EYS: variants seen among roughly 807,000 people sequenced by gnomAD.
The protein encoded by EYS is EGF-like photoreceptor maintenance factor, also known as protein eyes shut homolog.
EYS carries 250 observed loss-of-function variants against 282.1 expected under a neutral mutation model. The ratio of observed to expected loss-of-function variants is 0.89; its 90% CI spans 0.80 to 0.98. The LOEUF (loss-of-function observed/expected upper bound fraction) is 0.98. Ranked by LOEUF, EYS falls within the 50% of genes least tolerant of loss-of-function variation. EYS has a pLI of 0.00. For synonymous variants in EYS, 1,355 were observed against 1,282.9 expected (o/e 1.06, Z -1.20); for missense variants, 4,016 against 3,709.0 (o/e 1.08, Z -2.15).
intron 2 of EYS, among the ~76,000 whole-genome samples, chr6:65,587,172 G>A (rs1249631192): frequency 6.6e-6 from 1 of 152,034 alleles, no homozygotes; most frequent in East Asian, 1.9e-4. Context: ...AATCCTTGCT[G>A]CCATGTATAA....
At chr6:64,615,360 G>T (rs1767240179) in intron 24 of EYS, among the ~76,000 whole-genome samples, 1 of 151,732 alleles carries the variant, frequency 6.6e-6, no homozygotes, top group African/African-American at 2.4e-5. Flanking sequence ...CCTAAAAAGT[G>T]ATTTTCTAAT....
chr6:65,614,996 A>G lies in EYS; in HGVS notation c.-333+24782T>C, dbSNP rs183002409. On this transcript the variant is annotated intron_variant, in intron 2 of 42. Coordinates refer to ENST00000503581, the MANE Select transcript of EYS (RefSeq NM_001142800.2). The stretch of plus-strand genomic sequence containing the variant: ...TCTCATTGTTCATTATCTATTCAAA[A>G]CCACTAGCTTACTGCTACACTGTGC... Among the ~76,000 whole-genome samples the G allele has an allele frequency of 1.5e-3, 225 of 152,212 alleles. 1 individual carries two copies. The highest frequency in any genetic ancestry group is 5.2e-3 in the African/African-American group (215 of 41,532).
intron 19 of EYS, among the ~76,000 whole-genome samples, chr6:64,867,667 G>A (rs1032934467): frequency 7.3e-5 from 11 of 151,474 alleles, no homozygotes; most frequent in Admixed American, 2.0e-4. Flanking sequence ...TATAGTATGT[G>A]GTCCAATATT....
intron 2 of EYS, among the ~76,000 whole-genome samples, chr6:65,605,281 A>C (rs1220677997): frequency 2.6e-5 from 4 of 151,876 alleles, no homozygotes; most frequent in African/African-American, 4.8e-5. Flanking sequence ...AATTTAAAAT[A>C]AACACACAAG....
intron 19 of EYS, among the ~76,000 whole-genome samples, chr6:64,849,903 T>G (rs1022786995): frequency 2.0e-5 from 3 of 147,132 alleles, no homozygotes; most frequent in African/African-American, 7.5e-5. Context: ...GGCCCAGCCA[T>G]AGGAGCCCCT....
At chr6:64,729,643 G>A (rs989543456) in intron 22 of EYS, among the ~76,000 whole-genome samples, 2 of 152,188 alleles carry the variant, frequency 1.3e-5, no homozygotes, top group Non-Finnish European at 2.9e-5. Context: ...TGGCAAGCAG[G>A]TTGGTAAGTA....
intron 15 of EYS, among the ~76,000 whole-genome samples, chr6:64,943,258 G>C (rs932511689): frequency 6.6e-6 from 1 of 151,952 alleles, no homozygotes; most frequent in African/African-American, 2.4e-5. Flanking sequence ...ATACTAAATG[G>C]GCAAAGTCTA....
chr6:63,984,320 T>G, intron 35 of EYS, 63 bp downstream of exon 35: 2 of 1,203,062 alleles, frequency 1.7e-6, no homozygotes, highest in Non-Finnish European at 2.4e-6. Context: ...ACTGCTGGCT[T>G]TTGTTGTTTT....
At chr6:64,557,488 TC>T (rs1765269122) in intron 26 of EYS, among the ~76,000 whole-genome samples, 1 of 152,026 alleles carries the variant, frequency 6.6e-6, no homozygotes, top group Non-Finnish European at 1.5e-5. Context: ...CAAGTAAGAT[TC>T]TTTTTTCTTT....
intron 33 of EYS, among the ~76,000 whole-genome samples, chr6:64,030,871 C>T (rs377388393): frequency 4.4e-4 from 67 of 152,346 alleles, no homozygotes; most frequent in Non-Finnish European, 7.8e-4. Flanking sequence ...TAGAGACCTC[C>T]CCTCTGGAGG....
chr6:64,733,561 AGTGGGAC>A (rs1772051631), intron 22 of EYS: 1 of 166,270 alleles, frequency 6.0e-6, no homozygotes, highest in African/African-American at 2.5e-5. Context: ...ATGACAATGC[AGTGGGAC>A]ATGAGACCCA....
intron 30 of EYS, among the ~76,000 whole-genome samples, chr6:64,256,022 T>A (rs921992837): frequency 6.6e-6 from 1 of 152,034 alleles, no homozygotes; most frequent in Non-Finnish European, 1.5e-5. Flanking sequence ...GCAATGAATA[T>A]CCTTTTAATT....
At chr6:65,498,901 A>G (rs1766349619) in intron 2 of EYS, among the ~76,000 whole-genome samples, 1 of 152,010 alleles carries the variant, frequency 6.6e-6, no homozygotes, top group Non-Finnish European at 1.5e-5. Flanking sequence ...TTCTAAACAC[A>G]CATATTGATT....
Position 65,232,717 on chromosome 6 carries a change from T to C in EYS, c.2023+63146A>G, listed in dbSNP as rs1033030266. Among the ~76,000 whole-genome samples the C allele has an allele frequency of 6.6e-5, 10 of 152,106 alleles. 1 individual carries two copies. The highest frequency in any genetic ancestry group is 2.4e-4 in the African/African-American group (10 of 41,448). ...CCTAATGCCTGTTTTCATTCCCATA[T>C]AGAATACATTATACTATTTCCAAAT... On this transcript the variant is annotated intron_variant, in intron 12 of 42. Transcript: ENST00000503581.
chr6:64,861,913 G>A (rs1007150761), intron 19 of EYS, among the ~76,000 whole-genome samples: 11 of 152,080 alleles, frequency 7.2e-5, no homozygotes, highest in African/African-American at 9.6e-5. Context: ...CTTTCTTTAC[G>A]TAGATTTCAA....
intron 2 of EYS, among the ~76,000 whole-genome samples, chr6:65,593,418 T>G (rs1765299115): frequency 6.6e-6 from 1 of 152,066 alleles, no homozygotes. Context: ...AAGCTAAGAG[T>G]TGAAAATCAA....
At position 64,281,410 on chromosome 6, in the gene EYS, C is replaced by T. The variant is rs564265013; in HGVS notation, c.6191+25560G>A. On this transcript the variant is annotated intron_variant, in intron 30 of 42. Coordinates refer to ENST00000503581, the MANE Select transcript of EYS (RefSeq NM_001142800.2). ...AAAAGCATAGTAAAAGAAATACTTTCGAAATGAATTGCATCATTTAAACTA... is the reference window on the plus strand; with the variant it reads ...AAAAGCATAGTAAAAGAAATACTTTTGAAATGAATTGCATCATTTAAACTA... Among the ~76,000 whole-genome samples the T allele has an allele frequency of 1.6e-4, 24 of 152,050 alleles. No individual in the cohort carries two copies. In the South Asian group the frequency reaches 2.9e-3, roughly 18 times the overall value.
chr6:64,388,833 A>G lies in EYS; in HGVS notation c.5935T>C (p.Leu1979=), dbSNP rs962496239. Residue 1979 remains leucine (L), a synonymous_variant, in exon 29 of 43, where the codon TTG becomes CTG. Transcript: ENST00000503581. ...GTCAGCTCAGCGTTACATGGATCCA[A>G]TTCTTGCCTGTAACCATTTAAGAAA... is the stretch of plus-strand genomic sequence containing the variant. ...QKYTLLIRQE[L]DPCNAELTIL... is the part of the protein sequence containing the mutation. 2.0e-6 allele frequency: 3 copies of G among 1,501,322 alleles called. No individual in the cohort carries two copies. Among genetic ancestry groups the G allele is most frequent in the South Asian group, 2.8e-5 (2 of 71,986 alleles). The allele number at this position is 1,501,322 out of a possible 1,614,324, so 93.0% of individuals were successfully genotyped here. A position where few individuals can be genotyped will look rare whatever the true frequency, so the allele number is the denominator to read the frequency against.
intron 22 of EYS, among the ~76,000 whole-genome samples, chr6:64,811,418 C>CTG (rs1482727903): frequency 1.8e-5 from 2 of 111,976 alleles, no homozygotes. Context: ...TGGCTTCATG[C>CTG]TGTAAAAAAA....
Sources: allele counts gnomAD v4.1 joint callset (sites outside exome capture counted in the v4.1 genomes callset), GRCh38; gene constraint gnomAD v4.1.1; transcripts MANE v1.5; gene names NCBI Gene and HGNC (gene_info 2026-07-23, HGNC 2026-07-21).